VPS54: variants seen among roughly 807,000 people sequenced by gnomAD.
The protein encoded by VPS54 is vacuolar protein sorting-associated protein 54.
In VPS54, 45 loss-of-function variants were observed where a neutral mutation model predicts 121.5. The ratio of observed to expected loss-of-function variants is 0.37; its 90% CI spans 0.29 to 0.47. VPS54 has a LOEUF of 0.47. VPS54 is among the 20% of genes least tolerant of loss of function. The probability of loss-of-function intolerance (pLI) is 0.99; values close to 1 mark genes in which losing one functional copy is unlikely to be tolerated. For missense variants in VPS54, 1,090 were observed against 1,131.4 expected (o/e 0.96, Z 0.52); for synonymous variants, 371 against 385.8 (o/e 0.96, Z 0.45).
intron 20 of VPS54, among the ~76,000 whole-genome samples, chr2:63,907,048 G>A (rs1283649439): frequency 2.0e-5 from 3 of 152,130 alleles, no homozygotes; most frequent in Admixed American, 6.5e-5. Flanking sequence ...AGGTGCCAGT[G>A]GAGAAATGAT....
intron 1 of VPS54, among the ~76,000 whole-genome samples, chr2:64,010,221 C>CT (rs1559057536): frequency 6.6e-6 from 1 of 152,172 alleles, no homozygotes; most frequent in Admixed American, 6.5e-5. Context: ...AGTGGAATTT[C>CT]TTTTTAACAC....
At chr2:64,002,492 TTA>T (rs1311753138) in intron 1 of VPS54, among the ~76,000 whole-genome samples, 1 of 152,200 alleles carries the variant, frequency 6.6e-6, no homozygotes, top group African/African-American at 2.4e-5. Flanking sequence ...GAAAATGTAT[TTA>T]TGTTAAACAT....
chr2:64,013,941 C>T (rs1339945739), intron 1 of VPS54, among the ~76,000 whole-genome samples: 1 of 151,136 alleles, frequency 6.6e-6, no homozygotes, highest in African/African-American at 2.4e-5. Context: ...ACCTGTAATC[C>T]CAACACTTTG....
intron 4 of VPS54, among the ~76,000 whole-genome samples, chr2:63,971,675 A>AG (rs1220741476): frequency 6.6e-6 from 1 of 152,248 alleles, no homozygotes; most frequent in East Asian, 1.9e-4. Context: ...ATAAAACATT[A>AG]CCACACTGAA....
chr2:63,933,922 T>A lies in VPS54; in HGVS notation c.1490A>T (p.Asn497Ile). 1 of 1,613,736 alleles carries A rather than the reference T, an allele frequency of 6.2e-7. No individual in the cohort carries two copies. Among genetic ancestry groups the A allele is most frequent in the Non-Finnish European group, 8.5e-7 (1 of 1,179,798 alleles). Residue 497 changes from asparagine (N) to isoleucine (I), a missense_variant, in exon 12 of 23, where the codon AAT becomes ATT. Asn to Ile is a moderately radical substitution (Grantham distance 149). Around this residue, in one of 2 missense-constraint regions of VPS54, gnomAD observed 801 missense variants for 757.0 expected, o/e 1.06. Coordinates refer to ENST00000272322, the MANE Select transcript of VPS54 (RefSeq NM_016516.3). ...GTCCAGTGAATTATCTTTTGCAGCA[T>A]TCTTCTGTTGTGAAATCTCTTCCAA... is the stretch of plus-strand genomic sequence containing the variant. ...RELEEISQQK[N>I]AAKDNSLDTE... is the part of the protein sequence containing the mutation.
intron 20 of VPS54, among the ~76,000 whole-genome samples, chr2:63,900,097 G>A (rs1028911483): frequency 1.3e-5 from 2 of 152,034 alleles, no homozygotes; most frequent in Non-Finnish European, 1.5e-5. Context: ...GCAGGCACCT[G>A]CAATCCCAGC....
At chr2:63,988,257 A>G (rs1428638803) in intron 1 of VPS54, among the ~76,000 whole-genome samples, 1 of 152,216 alleles carries the variant, frequency 6.6e-6, no homozygotes, top group Non-Finnish European at 1.5e-5. Context: ...ATGCTTTTTA[A>G]GAATCAATTG....
At chr2:63,980,952 G>A (rs931101049) in intron 3 of VPS54, among the ~76,000 whole-genome samples, 2 of 151,964 alleles carry the variant, frequency 1.3e-5, no homozygotes, top group Admixed American at 1.3e-4. Flanking sequence ...AAATGAACCA[G>A]ATGCTATATA....
intron 20 of VPS54, among the ~76,000 whole-genome samples, chr2:63,909,578 C>A (rs534425642): frequency 6.6e-6 from 1 of 151,524 alleles, no homozygotes; most frequent in South Asian, 2.1e-4. Flanking sequence ...CACTACCATG[C>A]CCGGCTAATT....
chr2:63,993,079 A>T (rs1303601825), intron 1 of VPS54, among the ~76,000 whole-genome samples: 3 of 152,156 alleles, frequency 2.0e-5, no homozygotes, highest in Non-Finnish European at 4.4e-5. Context: ...TCAAATTTTG[A>T]GCTGCTGTGT....
At chr2:63,948,958 T>C (rs761775960) in intron 8 of VPS54, 79 bp downstream of exon 8, 46 of 1,543,534 alleles carry the variant, frequency 3.0e-5, no homozygotes, top group Non-Finnish European at 3.9e-5. Flanking sequence ...TTTTGATTCC[T>C]ATAATCTGAG....
chr2:63,937,934 T>C (rs142820728), intron 11 of VPS54, among the ~76,000 whole-genome samples: 2,027 of 152,250 alleles, frequency 0.013, 21 homozygotes, highest in Non-Finnish European at 0.021. Context: ...TCCACTTATA[T>C]GAAATACCTA....
chr2:64,004,699 T>G (rs1169050976), intron 1 of VPS54, among the ~76,000 whole-genome samples: 2 of 152,234 alleles, frequency 1.3e-5, no homozygotes, highest in Non-Finnish European at 2.9e-5. Context: ...ATAATGTTTT[T>G]AAATGCATAA....
At chr2:63,907,347 C>T (rs1370523890) in intron 20 of VPS54, among the ~76,000 whole-genome samples, 5 of 151,792 alleles carry the variant, frequency 3.3e-5, no homozygotes, top group African/African-American at 1.2e-4. Context: ...GGAGAAACCT[C>T]GTCTCTATTA....
intron 7 of VPS54, among the ~76,000 whole-genome samples, chr2:63,956,137 G>T (rs2104545882): frequency 6.6e-6 from 1 of 152,190 alleles, no homozygotes; most frequent in African/African-American, 2.4e-5. Flanking sequence ...AAACTCTGTA[G>T]AATTCTAGTT....
chr2:63,972,224 T>A lies in VPS54; in HGVS notation c.399A>T (p.Arg133Ser), dbSNP rs776117412. Reference protein sequence around the residue: ...EISQREKIHERCKNICPPKDT... With the variant: ...EISQREKIHESCKNICPPKDT... The stretch of plus-strand genomic sequence containing the variant: ...CTTTAGGAGGACAAATATTCTTGCA[T>A]CTCTCATGAATCTTCTCTCTCTAAT... The change falls in exon 4 of 23, where the codon AGA becomes AGT. Residue 133 changes from arginine (R) to serine (S), a missense_variant. Physicochemically the swap from Arg to Ser is moderately radical, Grantham distance 110. Around this residue, in one of 2 missense-constraint regions of VPS54, gnomAD observed 801 missense variants for 757.0 expected, o/e 1.06. Transcript: ENST00000272322. The A allele has an allele frequency of 1.9e-6, 3 of 1,594,214 alleles. No homozygotes were observed. Among genetic ancestry groups the A allele is most frequent in the African/African-American group, 1.3e-5 (1 of 74,718 alleles).
intron 1 of VPS54, among the ~76,000 whole-genome samples, chr2:64,014,460 C>A (rs781728216): frequency 6.6e-6 from 1 of 152,134 alleles, no homozygotes; most frequent in Non-Finnish European, 1.5e-5. Flanking sequence ...TGTGCTATAA[C>A]GGTGATACTC....
intron 3 of VPS54, among the ~76,000 whole-genome samples, chr2:63,979,212 T>C (rs962670828): frequency 2.0e-5 from 3 of 151,844 alleles, no homozygotes; most frequent in African/African-American, 7.2e-5. Context: ...AATTTTGACT[T>C]TGATGTTTAT....
intron 20 of VPS54, among the ~76,000 whole-genome samples, chr2:63,911,787 C>T (rs141462882): frequency 8.8e-4 from 134 of 152,214 alleles, no homozygotes; most frequent in Non-Finnish European, 1.4e-3. Flanking sequence ...TTTCAAGTTA[C>T]GAAATTTTGG....
Sources: gnomAD v4.1 joint callset for allele counts (sites outside exome capture counted in the v4.1 genomes callset) on GRCh38, gnomAD v4.1.1 for gene constraint, gnomAD v4.1.1 regional missense constraint, MANE v1.5 for transcripts, NCBI Gene and HGNC (gene_info 2026-07-23, HGNC 2026-07-21) for gene names.